Variants in OR4F16 observed in about 807,000 individuals in gnomAD.
OR4F16 encodes the protein olfactory receptor 4F3/4F16/4F29.
At chr1:691,065 CAA>C, upstream of OR4F16, among the ~76,000 whole-genome samples, 1 of 149,204 alleles carries the variant, frequency 6.7e-6, no homozygotes, top group South Asian at 2.1e-4. Flanking sequence ...ACAAAAAAAC[CAA>C]AAGAATAGAA....
the OR4F16 span, among the ~76,000 whole-genome samples, chr1:715,930 C>A: frequency 2.7e-5 from 4 of 146,480 alleles, no homozygotes; most frequent in East Asian, 6.2e-4. Flanking sequence ...TCTTCCCAAG[C>A]CACTAAATCA....
upstream of OR4F16, among the ~76,000 whole-genome samples, chr1:691,348 G>A: frequency 6.6e-6 from 1 of 151,830 alleles, no homozygotes. Context: ...TTTAGGTAAA[G>A]CTCTCATGTC....
chr1:680,010 G>C, the OR4F16 span, among the ~76,000 whole-genome samples: 2 of 133,586 alleles, frequency 1.5e-5, 1 homozygote, highest in African/African-American at 6.1e-5. Context: ...TCAAAAGCTT[G>C]TCCACCACAA....
chr1:691,943 AT>A, the OR4F16 span, among the ~76,000 whole-genome samples: 1 of 116,506 alleles, frequency 8.6e-6, no homozygotes, highest in Non-Finnish European at 1.7e-5. Context: ...TCACTTATTC[AT>A]TTTGTTAAAG....
the OR4F16 span, among the ~76,000 whole-genome samples, chr1:713,494 C>T: frequency 7.2e-6 from 1 of 139,634 alleles, no homozygotes; most frequent in South Asian, 2.1e-4. Flanking sequence ...TTTATATAGT[C>T]AATCTCTATC....
At chr1:713,441 A>G in the OR4F16 span, among the ~76,000 whole-genome samples, 1 of 128,736 alleles carries the variant, frequency 7.8e-6, no homozygotes, top group Non-Finnish European at 1.5e-5. Flanking sequence ...AATATTTGCC[A>G]AAGTCAAGTT....
At chr1:698,773 GGGAAA>G in the OR4F16 span, among the ~76,000 whole-genome samples, 1 of 9,056 alleles carries the variant, frequency 1.1e-4, no homozygotes, top group African/African-American at 2.2e-4. Context: ...GATGAGATTT[GGGAAA>G]GGACACAGCC....
the OR4F16 span, among the ~76,000 whole-genome samples, chr1:713,558 T>G: frequency 7.5e-6 from 1 of 133,772 alleles, no homozygotes; most frequent in Non-Finnish European, 1.5e-5. Context: ...TCTCTCCCAT[T>G]TCAACAATCT....
the OR4F16 span, chr1:702,044 G>A: frequency 6.8e-6 from 1 of 146,346 alleles, no homozygotes; most frequent in Non-Finnish European, 1.5e-5. Context: ...AGTCCACATT[G>A]AGATATGAGA....
the OR4F16 span, chr1:702,108 G>A: frequency 7.0e-6 from 1 of 142,790 alleles, no homozygotes; most frequent in African/African-American, 2.6e-5. Flanking sequence ...CACTTTGGGA[G>A]GCCGATGCTG....
At chr1:690,091 T>TC (rs1275319922), upstream of OR4F16, among the ~76,000 whole-genome samples, 5 of 119,752 alleles carry the variant, frequency 4.2e-5, no homozygotes, top group African/African-American at 1.7e-4. Context: ...GCTTCTATTA[T>TC]CGCCCTGTTG....
the OR4F16 span, among the ~76,000 whole-genome samples, chr1:676,857 G>A: frequency 1.0e-4 from 12 of 117,858 alleles, 2 homozygotes; most frequent in African/African-American, 3.2e-4. Flanking sequence ...CACAGTATTC[G>A]AGCTCTGATA....
At chr1:701,330 C>T in the OR4F16 span, among the ~76,000 whole-genome samples, 18 of 149,988 alleles carry the variant, frequency 1.2e-4, 1 homozygote, top group Admixed American at 3.3e-4. Flanking sequence ...AATTAGAAAA[C>T]GCTTGCCTGG....
At chr1:701,738 C>G in the OR4F16 span, among the ~76,000 whole-genome samples, 2 of 149,718 alleles carry the variant, frequency 1.3e-5, no homozygotes, top group African/African-American at 5.0e-5. Context: ...CTCATGAACA[C>G]AAAGAATAAA....
chr1:702,428 C>T, the OR4F16 span: 1 of 145,524 alleles, frequency 6.9e-6, no homozygotes, highest in African/African-American at 2.5e-5. Context: ...TAGAAGTATT[C>T]CTAATTATGA....
chr1:717,310 C>T, the OR4F16 span, among the ~76,000 whole-genome samples: 1 of 151,220 alleles, frequency 6.6e-6, no homozygotes, highest in East Asian at 2.0e-4. Flanking sequence ...TCGGCAGAAA[C>T]CTTGAAGGCC....
At chr1:696,752 TA>T in the OR4F16 span, among the ~76,000 whole-genome samples, 2 of 37,906 alleles carry the variant, frequency 5.3e-5, 1 homozygote, top group African/African-American at 6.6e-4. Context: ...TTAGAAAAAT[TA>T]AAAATAACAA....
chr1:717,047 TAGA>T, the OR4F16 span, among the ~76,000 whole-genome samples: 2 of 118,102 alleles, frequency 1.7e-5, no homozygotes, highest in Admixed American at 1.9e-4. Context: ...TTTAAAAAAC[TAGA>T]AGAAAGAATG....
At chr1:691,146 C>T (rs1360036097), upstream of OR4F16, among the ~76,000 whole-genome samples, 3 of 151,576 alleles carry the variant, frequency 2.0e-5, no homozygotes, top group East Asian at 2.0e-4. Flanking sequence ...TGCTCCCTTG[C>T]TCCATTTGTA....
Sources: allele counts gnomAD v4.1 joint callset (sites outside exome capture counted in the v4.1 genomes callset), GRCh38; gene constraint gnomAD v4.1.1; transcripts MANE v1.5; gene names NCBI Gene and HGNC (gene_info 2026-07-23, HGNC 2026-07-21).